Variants in CPEB3 observed in about 807,000 individuals in gnomAD.
CPEB3 encodes the protein cytoplasmic polyadenylation element-binding protein 3.
CPEB3 carries 20 observed loss-of-function variants against 67.2 expected under a neutral mutation model. The observed-to-expected ratio is 0.30, with a 90% CI of 0.21 to 0.43. The LOEUF (loss-of-function observed/expected upper bound fraction) is 0.43, where lower values mean the gene tolerates loss of function less well. Among genes scored for constraint, CPEB3 ranks in the 20% least tolerant of loss-of-function variants. The pLI is 1.00. For missense variants in CPEB3, 746 were observed against 968.6 expected, an observed-to-expected ratio of 0.77 and a Z score of 3.05; for synonymous variants, 376 against 393.1, an observed-to-expected ratio of 0.96 and a Z score of 0.51.
chr10:92,285,670 T>C (rs1300700580), intron 1 of CPEB3, among the ~76,000 whole-genome samples: 1 of 152,240 alleles, frequency 6.6e-6, no homozygotes, highest in Non-Finnish European at 1.5e-5. Context: ...ATAGTTCAAG[T>C]TATAAAGGAT....
intron 8 of CPEB3, among the ~76,000 whole-genome samples, chr10:92,088,608 A>G (rs2133275832): frequency 6.6e-6 from 1 of 152,218 alleles, no homozygotes; most frequent in Non-Finnish European, 1.5e-5. Context: ...TCCTTGTCTT[A>G]CAATGAGGAA....
At chr10:92,209,521 CTG>C (rs1355824589) in intron 2 of CPEB3, among the ~76,000 whole-genome samples, 5 of 152,086 alleles carry the variant, frequency 3.3e-5, no homozygotes, top group African/African-American at 4.8e-5. Flanking sequence ...GACAGAAACT[CTG>C]TGTCAAAAAA....
At chr10:92,258,027 G>A (rs371342831) in intron 1 of CPEB3, among the ~76,000 whole-genome samples, 21 of 151,788 alleles carry the variant, frequency 1.4e-4, no homozygotes, top group African/African-American at 5.1e-4. Context: ...ATCGTGCCCG[G>A]CCTCTCAACT....
intron 7 of CPEB3, among the ~76,000 whole-genome samples, chr10:92,093,120 A>G (rs928819846): frequency 6.6e-6 from 1 of 152,148 alleles, no homozygotes; most frequent in Non-Finnish European, 1.5e-5. Flanking sequence ...ATCCTCCCAC[A>G]CCAGAAGGCA....
intron 1 of CPEB3, among the ~76,000 whole-genome samples, chr10:92,266,441 A>G (rs1482209084): frequency 1.3e-5 from 2 of 152,146 alleles, no homozygotes; most frequent in Non-Finnish European, 2.9e-5. Flanking sequence ...AAGAAAGCAC[A>G]AGCCCTAAGC....
intron 6 of CPEB3, among the ~76,000 whole-genome samples, chr10:92,134,694 C>T (rs972877036): frequency 1.3e-5 from 2 of 151,888 alleles, no homozygotes; most frequent in Non-Finnish European, 2.9e-5. Flanking sequence ...AAAAAAGAGC[C>T]CGCATTGCCA....
intron 4 of CPEB3, among the ~76,000 whole-genome samples, chr10:92,174,364 G>C (rs1352057185): frequency 6.6e-6 from 1 of 152,168 alleles, no homozygotes; most frequent in African/African-American, 2.4e-5. Context: ...GCAGCCCTCA[G>C]TTCAAATAGA....
chr10:92,079,489 T>G (rs1843058435), intron 9 of CPEB3, among the ~76,000 whole-genome samples: 1 of 152,168 alleles, frequency 6.6e-6, no homozygotes, highest in South Asian at 2.1e-4. Context: ...AAACCAGGAA[T>G]GGAGTTGAAT....
At chr10:92,235,761 T>C (rs1324742194) in intron 2 of CPEB3, among the ~76,000 whole-genome samples, 1 of 152,230 alleles carries the variant, frequency 6.6e-6, no homozygotes, top group African/African-American at 2.4e-5. Context: ...TGACAGAAAT[T>C]ATCAACCTGA....
chr10:92,120,228 G>A (rs535093942), intron 6 of CPEB3, among the ~76,000 whole-genome samples: 4 of 150,550 alleles, frequency 2.7e-5, no homozygotes, highest in Admixed American at 6.7e-5. Context: ...TGGCTAACAC[G>A]GTTAAACCCT....
chr10:92,167,075 C>T (rs867538162), intron 4 of CPEB3, among the ~76,000 whole-genome samples: 17 of 152,336 alleles, frequency 1.1e-4, no homozygotes, highest in African/African-American at 3.4e-4. Context: ...TCTGCAGCTT[C>T]TTAACCTCTC....
chr10:92,284,687 C>G (rs1173659457), intron 1 of CPEB3, among the ~76,000 whole-genome samples: 1 of 152,112 alleles, frequency 6.6e-6, no homozygotes, highest in Non-Finnish European at 1.5e-5. Context: ...GTTATAATCT[C>G]TCACAACACT....
intron 2 of CPEB3, among the ~76,000 whole-genome samples, chr10:92,200,379 T>C (rs1331741033): frequency 1.3e-5 from 2 of 151,806 alleles, no homozygotes; most frequent in African/African-American, 2.4e-5. Flanking sequence ...ACCCTGTCTC[T>C]ACTAAGAAAT....
chr10:92,055,706 T>G (rs1166449346), intron 9 of CPEB3, among the ~76,000 whole-genome samples: 1 of 151,746 alleles, frequency 6.6e-6, no homozygotes, highest in East Asian at 1.9e-4. Flanking sequence ...TGTGAAGAGC[T>G]GAACATTAAA....
At chr10:92,120,367 G>T (rs902097121) in intron 6 of CPEB3, among the ~76,000 whole-genome samples, 1 of 152,050 alleles carries the variant, frequency 6.6e-6, no homozygotes, top group African/African-American at 2.4e-5. Flanking sequence ...GGAGGATCAC[G>T]AGGTCAGGAG....
chr10:92,188,841 C>T (rs1475057146), intron 3 of CPEB3, among the ~76,000 whole-genome samples: 1 of 152,106 alleles, frequency 6.6e-6, no homozygotes, highest in Admixed American at 6.5e-5. Context: ...TTCAATTCAG[C>T]TTTTATTCTA....
intron 2 of CPEB3, among the ~76,000 whole-genome samples, chr10:92,228,477 C>T (rs1238879087): frequency 1.3e-5 from 2 of 152,062 alleles, no homozygotes; most frequent in African/African-American, 4.8e-5. Context: ...TATCTGAAAC[C>T]TAAGAACTAC....
intron 1 of CPEB3, among the ~76,000 whole-genome samples, chr10:92,262,491 C>T (rs1242390368): frequency 2.0e-5 from 3 of 152,172 alleles, no homozygotes; most frequent in African/African-American, 7.2e-5. Context: ...GTAACTTGTC[C>T]TGGGTTATAA....
intron 7 of CPEB3, among the ~76,000 whole-genome samples, chr10:92,097,538 A>G (rs1843937328): frequency 1.3e-5 from 2 of 152,216 alleles, no homozygotes; most frequent in Admixed American, 1.3e-4. Flanking sequence ...ATAACTGCTT[A>G]TCTCCAAAGG....
Sources: gnomAD v4.1 joint callset for allele counts (sites outside exome capture counted in the v4.1 genomes callset) on GRCh38, gnomAD v4.1.1 for gene constraint, MANE v1.5 for transcripts, NCBI Gene and HGNC (gene_info 2026-07-23, HGNC 2026-07-21) for gene names.